The following ZSWIM5 variants were observed in gnomAD, a reference collection of about 807,000 sequenced individuals.
The protein encoded by ZSWIM5 is zinc finger SWIM domain-containing protein 5.
A neutral mutation model predicts 119.6 loss-of-function variants in ZSWIM5; 55 were observed. That is an observed-to-expected ratio of 0.46 (90% CI 0.37 to 0.58). The LOEUF (loss-of-function observed/expected upper bound fraction) is 0.58. ZSWIM5 is among the 20% of genes least tolerant of loss of function. The probability of loss-of-function intolerance (pLI) is 0.00; values close to 1 mark genes in which losing one functional copy is unlikely to be tolerated. For missense variants in ZSWIM5, 1,193 were observed against 1,512.8 expected (o/e 0.79, Z 3.51); for synonymous variants, 537 against 606.9 (o/e 0.88, Z 1.69).
At chr1:45,020,481 CT>C in intron 12 of ZSWIM5, 143 bp downstream of exon 12, 3 of 1,063,972 alleles carry the variant, frequency 2.8e-6, no homozygotes, top group Non-Finnish European at 4.1e-6. Flanking sequence ...AAATCCTTGC[CT>C]TTTCCCTAGC....
intron 1 of ZSWIM5, among the ~76,000 whole-genome samples, chr1:45,152,423 T>G (rs575613167): frequency 6.6e-6 from 1 of 152,232 alleles, no homozygotes; most frequent in East Asian, 1.9e-4. Flanking sequence ...GGTGATGGGT[T>G]AAATATGATG....
intron 1 of ZSWIM5, among the ~76,000 whole-genome samples, chr1:45,138,466 T>C (rs1446039768): frequency 2.1e-5 from 3 of 145,152 alleles, no homozygotes; most frequent in African/African-American, 2.6e-5. Context: ...GACCACGCCA[T>C]TGCACTCCAG....
chr1:45,175,181 G>C (rs1437291857), intron 1 of ZSWIM5, among the ~76,000 whole-genome samples: 1 of 152,098 alleles, frequency 6.6e-6, no homozygotes, highest in Non-Finnish European at 1.5e-5. Flanking sequence ...AGTAGTGCCT[G>C]TTATTTCATC....
intron 11 of ZSWIM5, among the ~76,000 whole-genome samples, chr1:45,026,030 T>G (rs1181931940): frequency 6.6e-6 from 1 of 152,144 alleles, no homozygotes; most frequent in African/African-American, 2.4e-5. Context: ...TTAAGTATAA[T>G]GGTAGTTAGT....
intron 1 of ZSWIM5, among the ~76,000 whole-genome samples, chr1:45,143,565 AAATGGTGAAAGACTC>A (rs1645743144): frequency 1.3e-5 from 2 of 152,164 alleles, no homozygotes; most frequent in Non-Finnish European, 2.9e-5. Flanking sequence ...ACAAAATACT[AAATGGTGAAAGACTC>A]AATGCCTCCT....
At chr1:45,154,817 G>A (rs1438055489) in intron 1 of ZSWIM5, among the ~76,000 whole-genome samples, 1 of 152,140 alleles carries the variant, frequency 6.6e-6, no homozygotes, top group Non-Finnish European at 1.5e-5. Flanking sequence ...AGGAAGGGGA[G>A]GCTGCAGTGA....
chr1:45,105,172 C>T (rs1044435766), intron 1 of ZSWIM5, among the ~76,000 whole-genome samples: 2 of 152,142 alleles, frequency 1.3e-5, no homozygotes, highest in Non-Finnish European at 2.9e-5. Context: ...GGCTGGTCTC[C>T]AGCTCCTGGC....
intron 1 of ZSWIM5, among the ~76,000 whole-genome samples, chr1:45,091,702 A>C (rs7548075): frequency 0.18 from 27,001 of 151,920 alleles, 3,450 homozygotes; most frequent in African/African-American, 0.36. Flanking sequence ...AACCAACCAA[A>C]CAAACAAACA....
At chr1:45,104,335 T>C (rs1645456784) in intron 1 of ZSWIM5, among the ~76,000 whole-genome samples, 1 of 152,216 alleles carries the variant, frequency 6.6e-6, no homozygotes, top group African/African-American at 2.4e-5. Flanking sequence ...AATGGCTCCA[T>C]ATACTATCGA....
At chr1:45,157,188 T>C (rs1204208585) in intron 1 of ZSWIM5, among the ~76,000 whole-genome samples, 1 of 152,180 alleles carries the variant, frequency 6.6e-6, no homozygotes, top group Non-Finnish European at 1.5e-5. Flanking sequence ...ATTATGGTTA[T>C]GATTACTTTT....
chr1:45,117,407 G>C (rs1405121744), intron 1 of ZSWIM5, among the ~76,000 whole-genome samples: 1 of 152,204 alleles, frequency 6.6e-6, no homozygotes, highest in Non-Finnish European at 1.5e-5. Flanking sequence ...GGTCACAGTG[G>C]CTCACACCTA....
intron 1 of ZSWIM5, among the ~76,000 whole-genome samples, chr1:45,199,085 G>A (rs1185447148): frequency 6.6e-6 from 1 of 152,056 alleles, no homozygotes. Flanking sequence ...AGCAATGTAT[G>A]AGAGTTCCAG....
At chr1:45,147,218 G>A (rs1390643027) in intron 1 of ZSWIM5, among the ~76,000 whole-genome samples, 1 of 151,972 alleles carries the variant, frequency 6.6e-6, no homozygotes, top group African/African-American at 2.4e-5. Flanking sequence ...GGACCAACAG[G>A]CATTCACCAT....
intron 6 of ZSWIM5, among the ~76,000 whole-genome samples, chr1:45,041,694 A>G (rs945671986): frequency 6.6e-6 from 1 of 151,894 alleles, no homozygotes; most frequent in African/African-American, 2.4e-5. Context: ...GTGCCACCAC[A>G]CCCGGATAAT....
chr1:45,107,137 T>C (rs544961737), intron 1 of ZSWIM5, among the ~76,000 whole-genome samples: 1 of 152,164 alleles, frequency 6.6e-6, no homozygotes, highest in Non-Finnish European at 1.5e-5. Flanking sequence ...GTTTATCTGC[T>C]GACCTTCTCT....
chr1:45,123,931 C>T (rs2149028380), intron 1 of ZSWIM5, among the ~76,000 whole-genome samples: 1 of 152,252 alleles, frequency 6.6e-6, no homozygotes, highest in East Asian at 1.9e-4. Context: ...TAGCAGATTT[C>T]TCATCAGAAA....
At chr1:45,037,965 A>G (rs145266363) in intron 8 of ZSWIM5, among the ~76,000 whole-genome samples, 165 of 152,362 alleles carry the variant, frequency 1.1e-3, no homozygotes, top group African/African-American at 3.8e-3. Flanking sequence ...ACTAAGTGCT[A>G]GGAACACAAA....
At chr1:45,169,210 G>C (rs1271148396) in intron 1 of ZSWIM5, among the ~76,000 whole-genome samples, 1 of 151,414 alleles carries the variant, frequency 6.6e-6, no homozygotes, top group Non-Finnish European at 1.5e-5. Context: ...ATTTCCCTAT[G>C]TATCTAAGCA....
chr1:45,034,215 CTTCTCT>C, intron 11 of ZSWIM5, 91 bp downstream of exon 11: 1 of 1,396,826 alleles, frequency 7.2e-7, no homozygotes. Flanking sequence ...GGTCAAGGAG[CTTCTCT>C]TTCTCAGGAG....
Sources: gnomAD v4.1 joint callset for allele counts (sites outside exome capture counted in the v4.1 genomes callset) on GRCh38, gnomAD v4.1.1 for gene constraint, MANE v1.5 for transcripts, NCBI Gene and HGNC (gene_info 2026-07-23, HGNC 2026-07-21) for gene names.